Variants in DPP10 observed in about 807,000 individuals in gnomAD.
The protein encoded by DPP10 is inactive dipeptidyl peptidase 10.
A neutral mutation model predicts 120.9 loss-of-function variants in DPP10; 33 were observed. That is an observed-to-expected ratio of 0.27 (90% CI 0.21 to 0.37). The LOEUF is 0.37. DPP10 is among the 10% of genes least tolerant of loss of function. The probability of loss-of-function intolerance (pLI) is 1.00; values close to 1 mark genes in which losing one functional copy is unlikely to be tolerated. For synonymous variants in DPP10, 337 were observed against 326.1 expected (o/e 1.03, Z -0.36); for missense variants, 816 against 942.8 (o/e 0.87, Z 1.76).
intron 3 of DPP10, among the ~76,000 whole-genome samples, chr2:115,449,055 T>C (rs918652532): frequency 6.6e-6 from 1 of 152,102 alleles, no homozygotes; most frequent in Non-Finnish European, 1.5e-5. Context: ...TGAAGGGATT[T>C]TCATATAAAA....
At chr2:114,734,294 G>GCT (rs976953739) in intron 1 of DPP10, among the ~76,000 whole-genome samples, 2 of 151,172 alleles carry the variant, frequency 1.3e-5, no homozygotes, top group South Asian at 2.1e-4. Context: ...TTTGCAACCT[G>GCT]CTCTCTCTCT....
intron 1 of DPP10, among the ~76,000 whole-genome samples, chr2:114,898,650 G>C (rs1693267472): frequency 6.6e-6 from 1 of 152,058 alleles, no homozygotes; most frequent in Non-Finnish European, 1.5e-5. Flanking sequence ...TGTCTATATT[G>C]GGTAGGACAA....
chr2:115,579,949 T>A (rs2081919775), intron 5 of DPP10: 1 of 152,192 alleles, frequency 6.6e-6, no homozygotes, highest in Non-Finnish European at 1.5e-5. Flanking sequence ...ATGCATTAAC[T>A]ATTTTTCCTA....
chr2:114,805,869 C>G (rs1684679290), intron 1 of DPP10, among the ~76,000 whole-genome samples: 1 of 148,546 alleles, frequency 6.7e-6, no homozygotes, highest in African/African-American at 2.6e-5. Context: ...TCATATGACC[C>G]CACTTAGGGG....
chr2:115,139,004 GC>G (rs1272656009), intron 1 of DPP10, among the ~76,000 whole-genome samples: 1 of 152,120 alleles, frequency 6.6e-6, no homozygotes, highest in Non-Finnish European at 1.5e-5. Flanking sequence ...AAAACAAACT[GC>G]TACATGTGAT....
At chr2:114,720,223 G>A (rs1356963133) in intron 1 of DPP10, among the ~76,000 whole-genome samples, 2 of 152,208 alleles carry the variant, frequency 1.3e-5, no homozygotes, top group Non-Finnish European at 2.9e-5. Flanking sequence ...ATGAGGCCCA[G>A]TTCCAGTTTG....
intron 4 of DPP10, among the ~76,000 whole-genome samples, chr2:115,504,433 C>T (rs2076843272): frequency 6.6e-6 from 1 of 151,900 alleles, no homozygotes; most frequent in South Asian, 2.1e-4. Flanking sequence ...TGGGCATGTC[C>T]TTCCCCTCGC....
chr2:114,577,967 A>C (rs1690193711), intron 1 of DPP10, among the ~76,000 whole-genome samples: 1 of 152,178 alleles, frequency 6.6e-6, no homozygotes, highest in African/African-American at 2.4e-5. Context: ...ATTAGTAACA[A>C]CTCTAATTCC....
chr2:115,702,224 A>G (rs2091920631), intron 7 of DPP10, among the ~76,000 whole-genome samples: 1 of 152,012 alleles, frequency 6.6e-6, no homozygotes, highest in Non-Finnish European at 1.5e-5. Context: ...GAAGAAGTCC[A>G]TCTCTAACCC....
intron 21 of DPP10, among the ~76,000 whole-genome samples, chr2:115,830,856 A>G (rs1688845591): frequency 6.6e-6 from 1 of 152,170 alleles, no homozygotes; most frequent in South Asian, 2.1e-4. Flanking sequence ...TGAATATGAA[A>G]GCTTCTTAAA....
At chr2:115,667,451 A>G (rs1368118917) in intron 5 of DPP10, among the ~76,000 whole-genome samples, 1 of 151,574 alleles carries the variant, frequency 6.6e-6, no homozygotes, top group Admixed American at 6.6e-5. Context: ...TTCCTAGGTT[A>G]TTTTCCAGGA....
rs1478098374 is a variant in DPP10 at position 115,078,069 on chromosome 2, C to T, written c.61-231170C>T. Among the ~76,000 whole-genome samples, 4 of 152,112 alleles carry T rather than the reference C, an allele frequency of 2.6e-5. No homozygotes were observed. The East Asian group carries it at 7.7e-4, about 29-fold the overall frequency. The stretch of plus-strand genomic sequence containing the variant: ...TAAAGAAAACTTCTCTATCATTATC[C>T]ACCTCATAAAGGCCTGAGACAATCA... On this transcript the variant is annotated intron_variant, in intron 1 of 25. Transcript: ENST00000410059.
Position 115,702,954 on chromosome 2 carries a change from T to C in DPP10, c.576+13033T>C, listed in dbSNP as rs147746773. ...TGTGGTGCAAGAAGGTGTGTCATTT[T>C]TCTTTTTAAACAAATGTAGCCTTAT... On this transcript the variant is annotated intron_variant, in intron 7 of 25. Transcript: ENST00000410059. Among the ~76,000 whole-genome samples, 645 of 152,164 alleles carry C rather than the reference T, an allele frequency of 4.2e-3. 5 individuals carry two copies. The highest frequency in any genetic ancestry group is 0.015 in the African/African-American group (621 of 41,538).
chr2:114,542,158 C>G (rs1000006869), intron 1 of DPP10, among the ~76,000 whole-genome samples: 3 of 147,462 alleles, frequency 2.0e-5, no homozygotes, highest in African/African-American at 7.5e-5. Context: ...AGTGATTCTT[C>G]TACCTTAACC....
chr2:115,743,969 C>T (rs1433867741), intron 9 of DPP10, among the ~76,000 whole-genome samples: 1 of 150,572 alleles, frequency 6.6e-6, no homozygotes, highest in Non-Finnish European at 1.5e-5. Flanking sequence ...CCCTCAGGAC[C>T]TCTGAATGAT....
intron 12 of DPP10, 31 bp downstream of exon 12, chr2:115,762,641 C>A: frequency 6.2e-7 from 1 of 1,610,366 alleles, no homozygotes; most frequent in Non-Finnish European, 8.5e-7. Context: ...CACATCTTGG[C>A]CATTGTGACC....
chr2:114,497,388 TACA>T (rs1558814609), intron 1 of DPP10, among the ~76,000 whole-genome samples: 1,724 of 135,120 alleles, frequency 0.013, 78 homozygotes, highest in African/African-American at 0.048. Flanking sequence ...TACATATACA[TACA>T]CATACATATA....
intron 1 of DPP10, among the ~76,000 whole-genome samples, chr2:114,724,115 T>A (rs1701887770): frequency 6.6e-6 from 1 of 152,318 alleles, no homozygotes; most frequent in East Asian, 1.9e-4. Context: ...AGAAAGTTTT[T>A]ATCTAAGAAA....
At chr2:114,467,914 G>A (rs915739328) in intron 1 of DPP10, among the ~76,000 whole-genome samples, 1 of 152,174 alleles carries the variant, frequency 6.6e-6, no homozygotes, top group Non-Finnish European at 1.5e-5. Context: ...AGCTACTTGA[G>A]ACGCTGAGGT....
Sources: allele counts gnomAD v4.1 joint callset (sites outside exome capture counted in the v4.1 genomes callset), GRCh38; gene constraint gnomAD v4.1.1; transcripts MANE v1.5; gene names NCBI Gene and HGNC (gene_info 2026-07-23, HGNC 2026-07-21).